Variants in EHMT1 observed in about 807,000 individuals in gnomAD.
The protein encoded by EHMT1 is euchromatic histone lysine methyltransferase 1.
EHMT1 carries 15 observed loss-of-function variants against 147.2 expected under a neutral mutation model. The ratio of observed to expected loss-of-function variants is 0.10; its 90% CI spans 0.07 to 0.16. EHMT1 has a LOEUF of 0.16. Ranked by LOEUF, EHMT1 falls within the 10% of genes least tolerant of loss-of-function variation. The probability of loss-of-function intolerance (pLI) is 1.00; values close to 1 mark genes in which losing one functional copy is unlikely to be tolerated. For synonymous variants in EHMT1, 795 were observed against 709.6 expected, an observed-to-expected ratio of 1.12 and a Z score of -1.91; for missense variants, 1,587 against 1,772.4, an observed-to-expected ratio of 0.90 and a Z score of 1.88.
At chr9:137,792,844 A>G (rs146707506) in intron 16 of EHMT1, among the ~76,000 whole-genome samples, 136 of 152,378 alleles carry the variant, frequency 8.9e-4, no homozygotes, top group African/African-American at 3.1e-3. Context: ...CAAAAGCATG[A>G]TCAAAGAAAT....
intron 25 of EHMT1, among the ~76,000 whole-genome samples, chr9:137,823,838 G>A (rs369290154): frequency 1.3e-5 from 2 of 152,272 alleles, no homozygotes; most frequent in Admixed American, 1.3e-4. Flanking sequence ...GATTACAGGC[G>A]TGAGCCACTG....
At chr9:137,749,619 A>G (rs1337178382) in intron 6 of EHMT1, among the ~76,000 whole-genome samples, 2 of 152,076 alleles carry the variant, frequency 1.3e-5, no homozygotes, top group Admixed American at 1.3e-4. Flanking sequence ...TTCTGATGTC[A>G]GTGGTTACCC....
intron 3 of EHMT1, among the ~76,000 whole-genome samples, chr9:137,719,430 G>A (rs1945710641): frequency 6.6e-6 from 1 of 152,132 alleles, no homozygotes; most frequent in South Asian, 2.1e-4. Context: ...CAGCTGCTGG[G>A]TGTTGCGTCC....
intron 1 of EHMT1, among the ~76,000 whole-genome samples, chr9:137,661,772 G>A (rs899459271): frequency 1.3e-5 from 2 of 151,590 alleles, no homozygotes; most frequent in Admixed American, 6.6e-5. Flanking sequence ...CACTGCACCC[G>A]GCTGTTTTTC....
chr9:137,657,276 TCTC>T (rs1938560475), intron 1 of EHMT1, among the ~76,000 whole-genome samples: 1 of 152,078 alleles, frequency 6.6e-6, no homozygotes, highest in African/African-American at 2.4e-5. Flanking sequence ...CTCATAGGCT[TCTC>T]CTAGAGGGAC....
At chr9:137,764,382 A>T (rs1407322670) in intron 10 of EHMT1, 2 of 152,120 alleles carry the variant, frequency 1.3e-5, no homozygotes, top group Non-Finnish European at 2.9e-5. Context: ...GTTCTGCCAC[A>T]CTCGGCCCCT....
At chr9:137,745,595 A>C in intron 6 of EHMT1, 1 of 398,648 alleles carries the variant, frequency 2.5e-6, no homozygotes, top group Non-Finnish European at 4.4e-6. Context: ...CCCGAAGGAC[A>C]GGCAGCCCTG....
intron 1 of EHMT1, among the ~76,000 whole-genome samples, chr9:137,703,881 C>T (rs1017409925): frequency 1.3e-5 from 2 of 152,064 alleles, no homozygotes; most frequent in African/African-American, 2.4e-5. Context: ...TCTCACACTG[C>T]TATAAAGATA....
intron 1 of EHMT1, among the ~76,000 whole-genome samples, chr9:137,653,323 A>G (rs996155932): frequency 6.6e-6 from 1 of 152,200 alleles, no homozygotes; most frequent in Non-Finnish European, 1.5e-5. Flanking sequence ...TTTGTAGCCC[A>G]GGAGCAATAG....
intron 2 of EHMT1, among the ~76,000 whole-genome samples, chr9:137,714,379 A>G (rs1659821119): frequency 6.6e-6 from 1 of 151,928 alleles, no homozygotes; most frequent in Non-Finnish European, 1.5e-5. Flanking sequence ...GTCTAATGAG[A>G]TGCTTGTGTG....
Position 137,619,500 on chromosome 9 carries a change from C to T in EHMT1, c.21+451C>T, listed in dbSNP as rs556942002. 3.3e-3 allele frequency among the ~76,000 whole-genome samples: 502 copies of T among 152,204 alleles called. 2 individuals are homozygous for T. The highest frequency in any genetic ancestry group is 4.6e-3 in the Non-Finnish European group (312 of 68,006). ...GCCGAGGCGAGGCTGTCCCTCCTCTCGGAGCTCTTCCTTCGCTTCGTTGAC... is the reference window on the plus strand; with the variant it reads ...GCCGAGGCGAGGCTGTCCCTCCTCTTGGAGCTCTTCCTTCGCTTCGTTGAC... On this transcript the variant is annotated intron_variant, in intron 1 of 26. Transcript: ENST00000460843.
intron 18 of EHMT1, chr9:137,803,345 A>G: frequency 1.0e-6 from 1 of 975,394 alleles, no homozygotes; most frequent in Non-Finnish European, 1.2e-6. Context: ...TGCCCTGATG[A>G]TCTTCAGGTG....
intron 1 of EHMT1, 64 bp from the exon 2 acceptor site, chr9:137,710,903 A>G: frequency 1.3e-6 from 2 of 1,528,354 alleles, no homozygotes; most frequent in Non-Finnish European, 1.8e-6. Flanking sequence ...TTTCCAAATG[A>G]TGTCCATTTG....
chr9:137,671,108 G>A (rs761944123), intron 1 of EHMT1, among the ~76,000 whole-genome samples: 1 of 152,216 alleles, frequency 6.6e-6, no homozygotes, highest in Admixed American at 6.5e-5. Context: ...TTGACTTACA[G>A]ATTAGTGAGG....
At chr9:137,743,852 C>G in intron 5 of EHMT1, 50 bp from the exon 6 acceptor site, 1 of 1,561,932 alleles carries the variant, frequency 6.4e-7, no homozygotes, top group Non-Finnish European at 8.6e-7. Context: ...CAAGTTTGTT[C>G]ATGATGCGCA....
intron 18 of EHMT1, chr9:137,802,588 C>T (rs542332864): frequency 1.7e-4 from 69 of 399,012 alleles, no homozygotes; most frequent in Admixed American, 1.1e-3. Flanking sequence ...AGCTTGAGAA[C>T]GGCGTGGGCA....
chr9:137,715,789 C>T, intron 2 of EHMT1: 2 of 985,380 alleles, frequency 2.0e-6, no homozygotes, highest in Non-Finnish European at 2.4e-6. Context: ...GACCCATTTT[C>T]TCTGTTAGTT....
intron 23 of EHMT1, 112 bp from the exon 24 acceptor site, chr9:137,817,327 G>T: frequency 8.1e-7 from 1 of 1,235,260 alleles, no homozygotes; most frequent in South Asian, 1.2e-5. Flanking sequence ...TTCGGATACA[G>T]AACCAGTTTT....
chr9:137,793,827 C>T (rs1052663758), intron 16 of EHMT1, among the ~76,000 whole-genome samples: 16 of 152,084 alleles, frequency 1.1e-4, no homozygotes, highest in South Asian at 6.2e-4. Context: ...TAGAAGCCAT[C>T]GAGAGTAGGG....
Sources: gnomAD v4.1 joint callset for allele counts (sites outside exome capture counted in the v4.1 genomes callset) on GRCh38, gnomAD v4.1.1 for gene constraint, MANE v1.5 for transcripts, NCBI Gene and HGNC (gene_info 2026-07-23, HGNC 2026-07-21) for gene names.